KIAA1671: variants seen among roughly 807,000 people sequenced by gnomAD.
KIAA1671 encodes the protein uncharacterized protein KIAA1671.
Under a neutral mutation model 131.2 loss-of-function variants are expected in KIAA1671, and 52 were observed. That is an observed-to-expected ratio of 0.40 (90% confidence interval 0.32 to 0.50). KIAA1671 has a LOEUF of 0.50. KIAA1671 is among the 20% of genes least tolerant of loss of function. KIAA1671 has a pLI of 0.73. For missense variants in KIAA1671, 2,360 were observed against 2,364.2 expected, an observed-to-expected ratio of 1.00 and a Z score of 0.04; for synonymous variants, 1,003 against 961.6, an observed-to-expected ratio of 1.04 and a Z score of -0.80.
At chr22:25,128,290 T>C (rs1483977406) in intron 6 of KIAA1671, among the ~76,000 whole-genome samples, 1 of 152,178 alleles carries the variant, frequency 6.6e-6, no homozygotes, top group Non-Finnish European at 1.5e-5. Context: ...TTTCTTCATG[T>C]TCATAAAAAT....
chr22:25,101,705 T>TC (rs1930684299), intron 6 of KIAA1671, among the ~76,000 whole-genome samples: 1 of 152,178 alleles, frequency 6.6e-6, no homozygotes. Flanking sequence ...GAAACAAGTC[T>TC]CCCAAGAAGG....
intron 7 of KIAA1671, among the ~76,000 whole-genome samples, chr22:25,171,964 T>TA (rs988392885): frequency 8.5e-5 from 13 of 152,052 alleles, no homozygotes; most frequent in Non-Finnish European, 1.6e-4. Flanking sequence ...ATAAAAATGA[T>TA]AAAGTCACCA....
rs1460932131 is a variant in KIAA1671 at position 25,041,523 on chromosome 22, A to G, written c.4393A>G (p.Lys1465Glu). 1 of 1,538,620 alleles carries G rather than the reference A, an allele frequency of 6.5e-7. No individual in the cohort carries two copies. Among genetic ancestry groups the G allele is most frequent in the East Asian group, 2.5e-5 (1 of 40,794 alleles). Reference sequence around the variant, plus strand: ...GGAGTCAGGGACTGGAGACAGTCACAAGGTAAGTACCGAGACACTTTTTAA... The same window carrying G: ...GGAGTCAGGGACTGGAGACAGTCACGAGGTAAGTACCGAGACACTTTTTAA... ...WWESGTGDSHKVLPRDLEKED... is the reference protein window; with the variant it reads ...WWESGTGDSHEVLPRDLEKED... The change falls in exon 5 of 13, where the codon AAG (lysine) becomes GAG (glutamate). Residue 1465 changes from lysine to glutamate, a missense_variant and splice_region_variant. Lys to Glu is a moderately conservative substitution (Grantham distance 56). Transcript: ENST00000358431.
In KIAA1671 at chr22:25,029,229, C is replaced by T. The variant is rs1434007478; in HGVS notation, c.1230C>T (p.Gly410=). ...CCCCCTCACCCAGGCTGGGAAGGGG[C>T]CTAGAACTTGCTGAGGTTAAGAGCA... The part of the protein sequence containing the change: ...AESPSPRLGR[G]LELAEVKSRV... The change falls in exon 3 of 13, where the codon GGC becomes GGT. Residue 410 remains glycine, a synonymous_variant. Coordinates refer to ENST00000358431, the MANE Select transcript of KIAA1671 (RefSeq NM_001145206.2). 1 of 1,474,016 alleles carries T rather than the reference C, an allele frequency of 6.8e-7. No homozygotes were observed. The highest frequency in any genetic ancestry group is 9.0e-7 in the Non-Finnish European group (1 of 1,108,026). 91.3% of individuals were successfully genotyped at this position (1,474,016 alleles called of 1,614,324 possible). A position where few individuals can be genotyped will look rare whatever the true frequency, so the allele number is the denominator to read the frequency against.
rs1324671566 is a variant in KIAA1671, at chr22:25,150,836, C to CTTTTTTTTTTTTTTTT, written c.4531-19970_4531-19969insTTTTTTTTTTTTTTTT. ...TTATGACTGTGTTCTGGGTCCTTTG[C>CTTTTTTTTTTTTTTTT]TTTTTTTTTTTTTTGAGATGGAGTC... On this transcript the variant is annotated intron_variant, in intron 6 of 12. Transcript: ENST00000358431. Among the ~76,000 whole-genome samples the CTTTTTTTTTTTTTTTT allele has an allele frequency of 2.5e-4, 32 of 125,928 alleles. 2 individuals are homozygous for CTTTTTTTTTTTTTTTT. The highest frequency in any genetic ancestry group is 1.2e-3 in the South Asian group (4 of 3,390). The allele number at this position is 125,928 out of a possible 152,430, so 82.6% of individuals were successfully genotyped here.
At chr22:25,163,549 C>G (rs1195900894) in intron 6 of KIAA1671, among the ~76,000 whole-genome samples, 2 of 146,772 alleles carry the variant, frequency 1.4e-5, no homozygotes, top group African/African-American at 5.0e-5. Context: ...TCAAGTGATT[C>G]TCTTACCTCA....
intron 6 of KIAA1671, chr22:25,112,589 A>C (rs953028090): frequency 7.6e-6 from 3 of 393,332 alleles, no homozygotes; most frequent in South Asian, 1.4e-4. Context: ...TTGTCAGTCA[A>C]AGCCCAGGCA....
chr22:25,182,965 A>G (rs575465751), intron 10 of KIAA1671, among the ~76,000 whole-genome samples: 1 of 152,346 alleles, frequency 6.6e-6, no homozygotes, highest in Non-Finnish European at 1.5e-5. Context: ...GCTGAGGGAA[A>G]GGCTGAGCTG....
intron 6 of KIAA1671, among the ~76,000 whole-genome samples, chr22:25,093,718 CACACACACACA>C (rs1930142857): frequency 2.4e-5 from 3 of 124,714 alleles, no homozygotes; most frequent in African/African-American, 1.4e-4. Context: ...CACACACACA[CACACACACACA>C]CACACACACT....
At chr22:25,123,173 A>G (rs1932024303) in intron 6 of KIAA1671, among the ~76,000 whole-genome samples, 1 of 143,966 alleles carries the variant, frequency 6.9e-6, no homozygotes, top group South Asian at 2.2e-4. Context: ...AATACATGGC[A>G]TCACTTCTGA....
chr22:25,063,199 A>G (rs1438895392), intron 6 of KIAA1671: 2 of 152,144 alleles, frequency 1.3e-5, no homozygotes, highest in Admixed American at 1.3e-4. Flanking sequence ...AGAAAGTGAG[A>G]GGAGGACCCA....
Position 25,040,056 on chromosome 22 carries a change from C to T in KIAA1671, c.2926C>T (p.Arg976Ter). 1 of 1,551,686 alleles carries T rather than the reference C, an allele frequency of 6.4e-7. No homozygotes were observed. Among genetic ancestry groups the T allele is most frequent in the Non-Finnish European group, 8.7e-7 (1 of 1,146,992 alleles). ...PEDSPHVGHR[R>*]TDYVSPTASA... ...GGACTCTCCACATGTGGGGCACAGA[C>T]GAACAGATTATGTGAGCCCCACAGC... is the stretch of plus-strand genomic sequence containing the variant. The change falls in exon 5 of 13, where the codon CGA (arginine) becomes TGA (stop). Residue 976 changes from arginine (R) to a stop codon, truncating the protein, a stop_gained. Transcript: ENST00000358431. LOFTEE classifies it high-confidence loss of function.
In KIAA1671 at chr22:25,032,595, G is replaced by A. The variant is rs932675905; in HGVS notation, c.1542-14G>A. 7.7e-5 allele frequency: 117 copies of A among 1,524,982 alleles called. No individual in the cohort carries two copies. The East Asian group carries it at 2.8e-3, about 37-fold the overall frequency. 94.5% of individuals were successfully genotyped at this position (1,524,982 alleles called of 1,614,324 possible). ...CTTCCAGCTCCATGAAGGTAACTCA[G>A]ATCTCTGTACCAGGTTTTCAAGTTC... On this transcript the variant is annotated splice_polypyrimidine_tract_variant and intron_variant, in intron 3 of 12. Transcript: ENST00000358431.
In KIAA1671 at chr22:25,188,837, T is replaced by C. The variant is rs1036979097; in HGVS notation, c.5343-1865T>C. ...TGAGGGGGAGGTGGAAGAGGAGGGA[T>C]TGGTCTTGCTGCCTCAGGGGCGGCA... On this transcript the variant is annotated intron_variant, in intron 11 of 12. Coordinates refer to ENST00000358431, the MANE Select transcript of KIAA1671 (RefSeq NM_001145206.2). Among the ~76,000 whole-genome samples the C allele has an allele frequency of 1.5e-4, 23 of 152,238 alleles. No homozygotes were observed. In the East Asian group the frequency reaches 2.9e-3, roughly 19 times the overall value.
intron 11 of KIAA1671, among the ~76,000 whole-genome samples, chr22:25,188,086 A>G (rs1006042276): frequency 2.6e-4 from 40 of 152,124 alleles, no homozygotes; most frequent in Admixed American, 2.4e-3. Context: ...GGATCACAAG[A>G]TCAGGAGATC....
At chr22:25,144,018 AT>A (rs1932841832) in intron 6 of KIAA1671, among the ~76,000 whole-genome samples, 3 of 152,060 alleles carry the variant, frequency 2.0e-5, no homozygotes, top group Admixed American at 2.0e-4. Context: ...AAAAAAAAAA[AT>A]GAACTAAAAA....
intron 6 of KIAA1671, chr22:25,049,682 A>G (rs1927431061): frequency 7.5e-6 from 2 of 265,548 alleles, no homozygotes; most frequent in South Asian, 1.5e-4. Flanking sequence ...TCTCCTGTCA[A>G]CCTCTTTGAG....
At chr22:24,981,904 C>T (rs1174856375) in intron 1 of KIAA1671, among the ~76,000 whole-genome samples, 1 of 152,136 alleles carries the variant, frequency 6.6e-6, no homozygotes, top group African/African-American at 2.4e-5. Context: ...AAAACTCTGT[C>T]TAACATAAAA....
intron 1 of KIAA1671, among the ~76,000 whole-genome samples, chr22:24,992,051 G>A (rs562875677): frequency 5.3e-5 from 8 of 152,234 alleles, no homozygotes; most frequent in South Asian, 2.1e-4. Context: ...TACAGAGCGG[G>A]CAGGACATGA....
Sources: gnomAD v4.1 joint callset for allele counts (sites outside exome capture counted in the v4.1 genomes callset) on GRCh38, gnomAD v4.1.1 for gene constraint, MANE v1.5 for transcripts, NCBI Gene and HGNC (gene_info 2026-07-23, HGNC 2026-07-21) for gene names.